MOV10L1: variants seen among roughly 807,000 people sequenced by gnomAD.
MOV10L1 encodes Mov10 like RNA helicase 1, also known as RNA helicase Mov10l1.
A neutral mutation model predicts 143.8 loss-of-function variants in MOV10L1; 110 were observed. That is an observed-to-expected ratio of 0.76 (90% confidence interval 0.66 to 0.90). The LOEUF is 0.90. Ranked by LOEUF, MOV10L1 falls within the 40% of genes least tolerant of loss-of-function variation. MOV10L1 has a pLI of 0.00. For synonymous variants in MOV10L1, 593 were observed against 581.1 expected (o/e 1.02, Z -0.29); for missense variants, 1,406 against 1,526.8 (o/e 0.92, Z 1.32).
chr22:50,160,182 C>T (rs1041455691), intron 24 of MOV10L1, among the ~76,000 whole-genome samples: 2 of 151,878 alleles, frequency 1.3e-5, no homozygotes, highest in African/African-American at 2.4e-5. Context: ...CCGATGAGAC[C>T]CACCCCTTTC....
intron 10 of MOV10L1, among the ~76,000 whole-genome samples, chr22:50,121,620 G>A (rs143357353): frequency 1.1e-4 from 17 of 152,314 alleles, no homozygotes; most frequent in South Asian, 2.1e-4. Context: ...AGTCGCGAGC[G>A]CAGTCCTCTG....
chr22:50,137,779 T>TATATAAATATACATATTTTATATATAC lies in MOV10L1; in HGVS notation c.2070+3150_2070+3151insTATAAATATACATATTTTATATATACA, dbSNP rs1569025200. 1.8e-4 allele frequency among the ~76,000 whole-genome samples: 17 copies of TATATAAATATACATATTTTATATATAC among 93,320 alleles called. 1 individual carries two copies. The highest frequency in any genetic ancestry group is 1.2e-3 in the Admixed American group (8 of 6,744). 61.2% of individuals were successfully genotyped at this position (93,320 alleles called of 152,430 possible). A position where few individuals can be genotyped will look rare whatever the true frequency, so the allele number is the denominator to read the frequency against. ...TATAAATATACATATTTTATATATA[T>TATATAAATATACATATTTTATATATAC]ACATATATAAATATACATATTTTAT... On this transcript the variant is annotated intron_variant, in intron 15 of 26. Transcript: ENST00000262794.
intron 6 of MOV10L1, among the ~76,000 whole-genome samples, 155 bp from the exon 7 acceptor site, chr22:50,114,226 T>G (rs879197760): frequency 1.3e-5 from 2 of 152,194 alleles, no homozygotes; most frequent in Admixed American, 1.3e-4. Context: ...ATGAAGATCT[T>G]TTCAAAATTT....
intron 5 of MOV10L1, among the ~76,000 whole-genome samples, chr22:50,111,804 C>G (rs966686359): frequency 9.2e-5 from 14 of 152,064 alleles, no homozygotes; most frequent in African/African-American, 3.1e-4. Context: ...CGCCCGGCCC[C>G]GAGTCTTTAT....
At chr22:50,133,279 T>C (rs1430757726) in intron 13 of MOV10L1, among the ~76,000 whole-genome samples, 2 of 151,444 alleles carry the variant, frequency 1.3e-5, no homozygotes, top group East Asian at 2.0e-4. Flanking sequence ...TAGATTCTTA[T>C]TTTAGTGAGT....
intron 3 of MOV10L1, among the ~76,000 whole-genome samples, chr22:50,104,464 C>A (rs1478068647): frequency 6.6e-6 from 1 of 152,224 alleles, no homozygotes; most frequent in Non-Finnish European, 1.5e-5. Context: ...TCCCATGAGG[C>A]CACGGCCCCT....
chr22:50,161,227 T>C, intron 26 of MOV10L1, 141 bp from the exon 27 acceptor site: 2 of 986,590 alleles, frequency 2.0e-6, no homozygotes, highest in Non-Finnish European at 3.0e-6. Flanking sequence ...TCCTGGACAT[T>C]TGGGGTCATG....
rs181748678 is a variant in MOV10L1, at chr22:50,159,163, T to C, written c.3217-515T>C. On this transcript the variant is annotated intron_variant, in intron 23 of 26. Coordinates refer to ENST00000262794, the MANE Select transcript of MOV10L1 (RefSeq NM_018995.3). The surrounding 1 kb of genome is among the most constrained non-coding windows in gnomAD (Gnocchi z 4.1). The stretch of plus-strand genomic sequence containing the variant: ...TTTTCCACATGAAACTTGGCTTTCC[T>C]AGTAAGCATTGTCCCCCGTCCCCAG... 1 of 152,324 alleles carries C rather than the reference T, an allele frequency of 6.6e-6. No individual in the cohort carries two copies. The highest frequency in any genetic ancestry group is 2.4e-5 in the African/African-American group (1 of 41,564). 9.4% of individuals were successfully genotyped at this position (152,324 alleles called of 1,614,324 possible).
At chr22:50,092,250 G>C in intron 2 of MOV10L1, 65 bp downstream of exon 2, 1 of 1,461,874 alleles carries the variant, frequency 6.8e-7, no homozygotes, top group Non-Finnish European at 9.4e-7. Flanking sequence ...GTTTTTCCTT[G>C]TGTTTAATCT....
In MOV10L1 at chr22:50,096,191, A is replaced by AC. The variant is rs1347076389; in HGVS notation, c.283-3252_283-3251insC. ...TCCCAGTAGACACTCTGTACCCATT[A>AC]AACAGTTATTCAGTGTTCTACTTTA... On this transcript the variant is annotated intron_variant, in intron 2 of 26. Coordinates refer to ENST00000262794, the MANE Select transcript of MOV10L1 (RefSeq NM_018995.3). The AC allele has an allele frequency of 2.0e-5, 3 of 152,166 alleles. No homozygotes were observed. In the East Asian group the frequency reaches 5.8e-4, roughly 29 times the overall value. 9.4% of individuals were successfully genotyped at this position (152,166 alleles called of 1,614,324 possible).
intron 10 of MOV10L1, among the ~76,000 whole-genome samples, chr22:50,124,255 G>A (rs2062431687): frequency 6.6e-6 from 1 of 152,168 alleles, no homozygotes; most frequent in African/African-American, 2.4e-5. Flanking sequence ...CCTCAGCACT[G>A]CTTGTGCTGC....
In MOV10L1 at chr22:50,134,594, A is replaced by G. The variant is rs1262983676; in HGVS notation, c.2034A>G (p.Gln678=). ...TGACGGGAAATTGGAACCATGCACA[A>G]GACACCAAAAGCAGTGGACAGTCCA... ...PQVTGNWNHA[Q]DTKSSGQSTS... Residue 678 remains glutamine, a synonymous_variant, in exon 15 of 27, where the codon CAA becomes CAG. Transcript: ENST00000262794. The G allele has an allele frequency of 5.6e-6, 9 of 1,614,104 alleles. No individual in the cohort carries two copies. The highest frequency in any genetic ancestry group is 6.8e-6 in the Non-Finnish European group (8 of 1,180,052).
At position 50,114,234 on chromosome 22, in the gene MOV10L1, T is replaced by C. The variant is rs560047223; in HGVS notation, c.885-147T>C. 1.8e-5 allele frequency: 18 copies of C among 1,027,392 alleles called. No homozygotes were observed. In the East Asian group the frequency reaches 4.6e-4, roughly 27 times the overall value. The allele number at this position is 1,027,392 out of a possible 1,614,324, so 63.6% of individuals were successfully genotyped here. A position where few individuals can be genotyped will look rare whatever the true frequency, so the allele number is the denominator to read the frequency against. ...GCCCGGCATGAAGATCTTTTCAAAA[T>C]TTTTTACCCAAAAATGACCTTTTGA... On this transcript the variant is annotated intron_variant, in intron 6 of 26. Coordinates refer to ENST00000262794, the MANE Select transcript of MOV10L1 (RefSeq NM_018995.3).
chr22:50,157,666 C>G (rs1267268483), intron 22 of MOV10L1, among the ~76,000 whole-genome samples: 2 of 148,264 alleles, frequency 1.3e-5, no homozygotes, highest in African/African-American at 5.0e-5. Context: ...CCCTGTTGAT[C>G]TATATGTCTG....
chr22:50,148,812 C>T (rs1052906899), intron 19 of MOV10L1, among the ~76,000 whole-genome samples: 2 of 152,088 alleles, frequency 1.3e-5, no homozygotes, highest in Admixed American at 1.3e-4. Flanking sequence ...TACAGGCGCC[C>T]GCCACCACAC....
chr22:50,110,714 T>A (rs893248290), intron 5 of MOV10L1, among the ~76,000 whole-genome samples: 12 of 152,158 alleles, frequency 7.9e-5, no homozygotes, highest in East Asian at 7.8e-4. Flanking sequence ...GCGGATTGCC[T>A]GAGCTCAGGA....
chr22:50,095,015 G>T (rs1487461601), intron 2 of MOV10L1: 1 of 152,142 alleles, frequency 6.6e-6, no homozygotes, highest in African/African-American at 2.4e-5. Flanking sequence ...ACCAGCCTGG[G>T]CACATAGAGA....
chr22:50,148,372 C>T (rs928600331), intron 19 of MOV10L1, among the ~76,000 whole-genome samples: 3 of 152,222 alleles, frequency 2.0e-5, no homozygotes, highest in African/African-American at 7.2e-5. Flanking sequence ...ACTCTAGAAA[C>T]AGATCATGTG....
chr22:50,105,787 T>C (rs1162631565), intron 3 of MOV10L1, among the ~76,000 whole-genome samples: 1 of 152,164 alleles, frequency 6.6e-6, no homozygotes, highest in East Asian at 1.9e-4. Context: ...AAAGAGAAAA[T>C]GAGGGCTGCC....
Sources: allele counts gnomAD v4.1 joint callset (sites outside exome capture counted in the v4.1 genomes callset), GRCh38; gene constraint gnomAD v4.1.1; non-coding constraint Gnocchi (gnomAD v3.1); transcripts MANE v1.5; gene names NCBI Gene and HGNC (gene_info 2026-07-23, HGNC 2026-07-21).